Variants in ARHGEF10 observed in about 807,000 individuals in gnomAD.
ARHGEF10 encodes Rho guanine nucleotide exchange factor 10, also known as Rho guanine nucleotide exchange factor (GEF) 10.
A neutral mutation model predicts 147.4 loss-of-function variants in ARHGEF10; 140 were observed. The ratio of observed to expected loss-of-function variants is 0.95; its 90% CI spans 0.83 to 1.09. The LOEUF (loss-of-function observed/expected upper bound fraction) is 1.09, where lower values mean the gene tolerates loss of function less well. Ranked by LOEUF, ARHGEF10 falls within the 50% of genes least tolerant of loss-of-function variation. The pLI, the probability that ARHGEF10 is intolerant of heterozygous loss-of-function variation, is 0.00. For missense variants in ARHGEF10, 2,222 were observed against 1,752.7 expected (o/e 1.27, Z -4.78); for synonymous variants, 902 against 695.8 (o/e 1.30, Z -4.67).
chr8:1,863,162 C>T (rs190696178), intron 4 of ARHGEF10, among the ~76,000 whole-genome samples: 3 of 152,268 alleles, frequency 2.0e-5, no homozygotes, highest in Admixed American at 6.5e-5. Context: ...GATTTCAGAT[C>T]CTGGCCCTGT....
chr8:1,923,880 G>T lies in ARHGEF10; in HGVS notation c.2488+6G>T, dbSNP rs372410162. 20 of 1,613,766 alleles carry T rather than the reference G, an allele frequency of 1.2e-5. 1 individual carries two copies. Among genetic ancestry groups the T allele is most frequent in the African/African-American group, 8.0e-5 (6 of 75,032 alleles). On this transcript the variant is annotated splice_donor_region_variant and intron_variant, in intron 21 of 28. Coordinates refer to ENST00000349830, the MANE Select transcript of ARHGEF10 (RefSeq NM_014629.4). ...GATGGCCAAGCTCGCCCTAGGTAAG[G>T]CCTGGCTGGCTGAGGCTGAATGAGG...
chr8:1,952,570 C>G (rs1815141668), intron 27 of ARHGEF10, 135 bp from the exon 28 acceptor site: 15 of 1,223,794 alleles, frequency 1.2e-5, no homozygotes, highest in Non-Finnish European at 1.7e-5. Flanking sequence ...GGTTTGGGAA[C>G]TCCTGTGCCA....
chr8:1,825,296 T>C (rs1190973695), intron 1 of ARHGEF10, among the ~76,000 whole-genome samples: 9 of 702 alleles, frequency 0.013, no homozygotes, highest in East Asian at 0.12. Context: ...CCCACCTGTC[T>C]CCCCGTACCC....
chr8:1,846,217 C>G (rs1395236847), intron 2 of ARHGEF10, among the ~76,000 whole-genome samples: 1 of 152,256 alleles, frequency 6.6e-6, no homozygotes, highest in Non-Finnish European at 1.5e-5. Context: ...GGCCCCTGCC[C>G]TTGCTGACAG....
chr8:1,926,991 C>G (rs1232629976), intron 23 of ARHGEF10: 1 of 220,726 alleles, frequency 4.5e-6, no homozygotes, highest in Non-Finnish European at 9.0e-6. Flanking sequence ...CAGCCTCAGA[C>G]TCGCCCTCCA....
In ARHGEF10 at chr8:1,925,354, C is replaced by T. The variant is rs1421847803; in HGVS notation, c.2560C>T (p.Leu854Phe). Residue 854 changes from leucine to phenylalanine, a missense_variant, in exon 22 of 29, where the codon CTC becomes TTC. Coordinates refer to ENST00000349830, the MANE Select transcript of ARHGEF10 (RefSeq NM_014629.4). ...GNHIKKEKHP[L>F]LVGHMPVMVA... Reference sequence around the variant, plus strand: ...TCACATTAAAAAGGAGAAGCATCCTCTCCTCGTCGGACACATGCCCGTGAT... The same window carrying T: ...TCACATTAAAAAGGAGAAGCATCCTTTCCTCGTCGGACACATGCCCGTGAT... 15 of 1,614,230 alleles carry T rather than the reference C, an allele frequency of 9.3e-6. No homozygotes were observed. Among genetic ancestry groups the T allele is most frequent in the Non-Finnish European group, 1.2e-5 (14 of 1,180,048 alleles).
chr8:1,898,356 T>A (rs913193347), intron 14 of ARHGEF10, 77 bp from the exon 15 acceptor site: 14 of 1,275,920 alleles, frequency 1.1e-5, no homozygotes, highest in Admixed American at 1.7e-5. Context: ...TTCAGTGTGG[T>A]GGGGAGGAGG....
intron 26 of ARHGEF10, among the ~76,000 whole-genome samples, chr8:1,941,616 C>T (rs1411743418): frequency 6.6e-6 from 1 of 151,860 alleles, no homozygotes; most frequent in African/African-American, 2.4e-5. Flanking sequence ...CAAGCACATC[C>T]TGAGATTCAT....
intron 17 of ARHGEF10, among the ~76,000 whole-genome samples, chr8:1,907,588 G>C (rs780421037): frequency 1.3e-5 from 2 of 152,230 alleles, no homozygotes; most frequent in Non-Finnish European, 2.9e-5. Flanking sequence ...CTCTTGGGCA[G>C]TTTTAAGTAC....
intron 1 of ARHGEF10, among the ~76,000 whole-genome samples, chr8:1,836,259 T>A (rs535362426): frequency 6.0e-5 from 9 of 151,196 alleles, no homozygotes; most frequent in Non-Finnish European, 1.2e-4. Flanking sequence ...AATTGGAAAA[T>A]GACAGCAATC....
At position 1,904,618 on chromosome 8, in the gene ARHGEF10, G is replaced by A. The variant is rs115206886; in HGVS notation, c.1822-953G>A. The stretch of plus-strand genomic sequence containing the variant: ...GAACCTCCGAATACACATGGGGCAC[G>A]GAGCAAGCCCAGAGGCCCAGGAAGA... On this transcript the variant is annotated intron_variant, in intron 16 of 28. Coordinates refer to ENST00000349830, the MANE Select transcript of ARHGEF10 (RefSeq NM_014629.4). Among the ~76,000 whole-genome samples, 494 of 152,248 alleles carry A rather than the reference G, an allele frequency of 3.2e-3. 1 individual carries two copies. The highest frequency in any genetic ancestry group is 0.011 in the African/African-American group (441 of 41,532).
intron 1 of ARHGEF10, among the ~76,000 whole-genome samples, chr8:1,838,492 C>T (rs1276476658): frequency 6.6e-6 from 1 of 152,266 alleles, no homozygotes; most frequent in Non-Finnish European, 1.5e-5. Context: ...GGGCAGCAGT[C>T]AGCGTCTGGT....
chr8:1,825,942 C>T, intron 1 of ARHGEF10: 2 of 638,630 alleles, frequency 3.1e-6, no homozygotes, highest in Non-Finnish European at 5.4e-6. Flanking sequence ...GTTTTGAACA[C>T]CTGCTTTATA....
At chr8:1,889,848 T>G (rs112937775) in intron 11 of ARHGEF10, among the ~76,000 whole-genome samples, 121 of 111,108 alleles carry the variant, frequency 1.1e-3, no homozygotes, top group African/African-American at 4.2e-3. Context: ...TGGGGTGAGG[T>G]TTGTGAGGAG....
At chr8:1,892,308 T>TGTGTGTGG (rs2129152604) in intron 11 of ARHGEF10, among the ~76,000 whole-genome samples, 1 of 151,038 alleles carries the variant, frequency 6.6e-6, no homozygotes, top group African/African-American at 2.4e-5. Context: ...TGTGTGTGTG[T>TGTGTGTGG]GTGTGTGTGT....
At chr8:1,834,316 C>G (rs889931416) in intron 1 of ARHGEF10, among the ~76,000 whole-genome samples, 1 of 152,126 alleles carries the variant, frequency 6.6e-6, no homozygotes, top group African/African-American at 2.4e-5. Flanking sequence ...ACTGTTTTTT[C>G]TTTTCTGGGA....
intron 16 of ARHGEF10, among the ~76,000 whole-genome samples, chr8:1,904,550 G>C (rs1185951365): frequency 6.6e-6 from 1 of 152,170 alleles, no homozygotes; most frequent in Non-Finnish European, 1.5e-5. Flanking sequence ...TTATATTCTT[G>C]ACATGGTTCA....
intron 10 of ARHGEF10, 103 bp downstream of exon 10, chr8:1,882,852 A>G: frequency 2.0e-6 from 2 of 982,126 alleles, no homozygotes; most frequent in South Asian, 2.8e-5. Context: ...GCAGGCTCCC[A>G]CAGCCTTAGG....
In ARHGEF10 at chr8:1,824,128, C is replaced by G. The variant is rs1489389024; in HGVS notation, c.-48+15C>G. The G allele has an allele frequency of 6.6e-6, 1 of 152,154 alleles. No individual in the cohort carries two copies. Among genetic ancestry groups the G allele is most frequent in the Non-Finnish European group, 1.5e-5 (1 of 68,072 alleles). The allele number at this position is 152,154 out of a possible 1,614,324, so 9.4% of individuals were successfully genotyped here. On this transcript the variant is annotated intron_variant, in intron 1 of 28. Transcript: ENST00000349830. Reference sequence around the variant, plus strand: ...TGGCCGCCGAGGTGAGTGCGGGCCCCGCGGACCGTGGGTCCCCTCGCGGGC... The same window carrying G: ...TGGCCGCCGAGGTGAGTGCGGGCCCGGCGGACCGTGGGTCCCCTCGCGGGC...
Sources: allele counts gnomAD v4.1 joint callset (sites outside exome capture counted in the v4.1 genomes callset), GRCh38; gene constraint gnomAD v4.1.1; transcripts MANE v1.5; gene names NCBI Gene and HGNC (gene_info 2026-07-23, HGNC 2026-07-21).